CAPS2: variants seen among roughly 807,000 people sequenced by gnomAD.
CAPS2 encodes calcyphosin-2.
CAPS2 carries 98 observed loss-of-function variants against 86.5 expected under a neutral mutation model. That is an observed-to-expected ratio of 1.13 (90% CI 0.96 to 1.34). The LOEUF is 1.34. Among genes scored for constraint, CAPS2 ranks in the 40% most tolerant of loss-of-function variants. CAPS2 has a pLI of 0.00. For synonymous variants in CAPS2, 210 were observed against 225.1 expected, an observed-to-expected ratio of 0.93 and a Z score of 0.60; for missense variants, 729 against 686.8, an observed-to-expected ratio of 1.06 and a Z score of -0.69.
chr12:75,304,929 A>G (rs1372918641), intron 7 of CAPS2, 53 bp from the exon 8 acceptor site: 5 of 1,561,780 alleles, frequency 3.2e-6, no homozygotes, highest in Admixed American at 3.5e-5. Flanking sequence ...GCATTACTTT[A>G]AAATTCACAT....
intron 11 of CAPS2, chr12:75,295,042 G>C (rs1477364818): frequency 6.6e-6 from 1 of 152,148 alleles, no homozygotes; most frequent in Non-Finnish European, 1.5e-5. Flanking sequence ...ATTCCCTTTA[G>C]TTGCTGAATG....
intron 11 of CAPS2, among the ~76,000 whole-genome samples, chr12:75,297,889 T>C (rs1275646127): frequency 1.3e-5 from 2 of 152,264 alleles, no homozygotes; most frequent in East Asian, 1.9e-4. Context: ...CAAGGGTAGA[T>C]GGCATTTTCT....
chr12:75,292,606 T>C (rs146880371), intron 12 of CAPS2, among the ~76,000 whole-genome samples: 142 of 146,828 alleles, frequency 9.7e-4, no homozygotes, highest in African/African-American at 3.3e-3. Context: ...ATATACATAT[T>C]ATATATGTAT....
intron 7 of CAPS2, among the ~76,000 whole-genome samples, chr12:75,310,781 TA>T (rs2039069598): frequency 1.3e-5 from 2 of 152,050 alleles, no homozygotes; most frequent in Non-Finnish European, 2.9e-5. Context: ...TGGTTTCAGC[TA>T]AGTAGCTCAG....
At chr12:75,337,413 T>G (rs1474885768) in intron 1 of CAPS2, among the ~76,000 whole-genome samples, 2 of 151,814 alleles carry the variant, frequency 1.3e-5, no homozygotes, top group African/African-American at 2.4e-5. Flanking sequence ...GGAAAATCAC[T>G]TTTAAAAAAC....
intron 1 of CAPS2, among the ~76,000 whole-genome samples, chr12:75,387,753 G>T (rs1291493662): frequency 6.6e-6 from 1 of 152,086 alleles, no homozygotes; most frequent in East Asian, 1.9e-4. Flanking sequence ...ATTAATCTAC[G>T]AATGGATCAA....
intron 7 of CAPS2, chr12:75,305,849 C>CAGGT: frequency 1.3e-6 from 1 of 756,058 alleles, no homozygotes; most frequent in Non-Finnish European, 2.4e-6. Context: ...CATCCTCGCC[C>CAGGT]AGGTGTTCGG....
intron 8 of CAPS2, among the ~76,000 whole-genome samples, chr12:75,303,077 G>T (rs190559585): frequency 2.6e-5 from 4 of 152,184 alleles, no homozygotes; most frequent in Admixed American, 2.0e-4. Context: ...GAACAAGGAA[G>T]TTCATAGCAG....
chr12:75,305,557 C>A, intron 7 of CAPS2: 1 of 630,312 alleles, frequency 1.6e-6, no homozygotes, highest in South Asian at 1.4e-5. Context: ...GTCCGCGACC[C>A]TGGCAGAGCC....
intron 12 of CAPS2, among the ~76,000 whole-genome samples, chr12:75,292,136 G>A (rs572666952): frequency 2.6e-5 from 4 of 151,964 alleles, no homozygotes; most frequent in African/African-American, 9.7e-5. Context: ...GCGAGATCTC[G>A]GCTCACTGCA....
exon 17 of CAPS2, chr12:75,278,070 G>A: frequency 1.1e-6 from 1 of 883,702 alleles, no homozygotes; most frequent in Non-Finnish European, 1.4e-6. Flanking sequence ...ATACTTTTAG[G>A]ATCTTTGTTT....
intron 13 of CAPS2, among the ~76,000 whole-genome samples, 155 bp downstream of exon 13, chr12:75,291,589 A>T (rs1311742934): frequency 1.1e-5 from 1 of 93,904 alleles, no homozygotes; most frequent in African/African-American, 3.4e-5. Context: ...ATATATATAT[A>T]TATATATATA....
intron 4 of CAPS2, chr12:75,322,943 T>C (rs1195235810): frequency 1.1e-5 from 13 of 1,201,272 alleles, no homozygotes; most frequent in Non-Finnish European, 1.6e-5. Context: ...AGAATAAAAT[T>C]CTGAAAATTG....
intron 1 of CAPS2, among the ~76,000 whole-genome samples, chr12:75,367,493 T>C (rs1472340733): frequency 6.6e-6 from 1 of 151,978 alleles, no homozygotes; most frequent in Non-Finnish European, 1.5e-5. Flanking sequence ...GAGTCATCAA[T>C]ATAACCACCT....
At chr12:75,352,607 T>C (rs971100390) in intron 1 of CAPS2, among the ~76,000 whole-genome samples, 4 of 152,126 alleles carry the variant, frequency 2.6e-5, no homozygotes, top group Admixed American at 2.0e-4. Flanking sequence ...GACAGAATAT[T>C]AACAAAAATA....
chr12:75,357,293 T>C (rs1163965826), intron 1 of CAPS2, among the ~76,000 whole-genome samples: 1 of 152,172 alleles, frequency 6.6e-6, no homozygotes, highest in Non-Finnish European at 1.5e-5. Context: ...CAATGATAAT[T>C]GGGTTAATTA....
At chr12:75,355,087 A>T (rs2043064074) in intron 1 of CAPS2, among the ~76,000 whole-genome samples, 1 of 152,224 alleles carries the variant, frequency 6.6e-6, no homozygotes, top group Admixed American at 6.5e-5. Flanking sequence ...TTTCAAGACA[A>T]AAACATCAAA....
intron 1 of CAPS2, chr12:75,343,761 C>T: frequency 1.7e-5 from 27 of 1,612,464 alleles, no homozygotes; most frequent in Non-Finnish European, 2.2e-5. Flanking sequence ...AACATAATGA[C>T]TGTTTGGATA....
upstream of CAPS2, chr12:75,333,775 C>T (rs2041510282): frequency 3.9e-5 from 6 of 152,072 alleles, no homozygotes; most frequent in Admixed American, 3.9e-4. Context: ...TTGAATTAAA[C>T]AGCATTGTAA....
Sources: allele counts gnomAD v4.1 joint callset (sites outside exome capture counted in the v4.1 genomes callset), GRCh38; gene constraint gnomAD v4.1.1; transcripts MANE v1.5; gene names NCBI Gene and HGNC (gene_info 2026-07-23, HGNC 2026-07-21).